Variants in MB21D2 observed in about 807,000 individuals in gnomAD.
MB21D2 encodes Mab-21 domain containing 2.
Under a neutral mutation model 33.3 loss-of-function variants are expected in MB21D2, and 9 were observed. The observed-to-expected ratio is 0.27, with a 90% CI of 0.16 to 0.47. MB21D2 has a LOEUF of 0.47. Ranked by LOEUF, MB21D2 falls within the 20% of genes least tolerant of loss-of-function variation. The pLI is 0.99. For synonymous variants in MB21D2, 241 were observed against 236.3 expected (o/e 1.02, Z -0.18); for missense variants, 540 against 624.6 (o/e 0.86, Z 1.44).
chr3:192,831,413 A>C (rs1290776308), intron 1 of MB21D2, among the ~76,000 whole-genome samples: 1 of 152,246 alleles, frequency 6.6e-6, no homozygotes, highest in East Asian at 1.9e-4. Context: ...GAGATCATAA[A>C]TGCTTAATGT....
intron 1 of MB21D2, among the ~76,000 whole-genome samples, chr3:192,834,323 A>C (rs1045339177): frequency 2.0e-5 from 3 of 151,862 alleles, no homozygotes; most frequent in Admixed American, 2.0e-4. Flanking sequence ...TCTCAAAAAA[A>C]AAAAACCAAA....
In MB21D2 at chr3:192,911,771, G is replaced by T. The variant is rs114744306; in HGVS notation, c.211+5859C>A. On this transcript the variant is annotated intron_variant, in intron 1 of 1. Transcript: ENST00000392452. ...AGCCACTGCCCAGAACCATGGAGGG[G>T]GAATTGAAACCAATCCAAACTAGCA... 2.3e-3 allele frequency among the ~76,000 whole-genome samples: 347 copies of T among 152,188 alleles called. 1 individual carries two copies. Among genetic ancestry groups the T allele is most frequent in the African/African-American group, 7.8e-3 (323 of 41,506 alleles).
At chr3:192,903,710 T>C (rs970687329) in intron 1 of MB21D2, among the ~76,000 whole-genome samples, 1 of 152,162 alleles carries the variant, frequency 6.6e-6, no homozygotes, top group Non-Finnish European at 1.5e-5. Context: ...GCGGGCCTGG[T>C]GGGAGGTGTC....
chr3:192,900,582 A>G (rs976601768), intron 1 of MB21D2, among the ~76,000 whole-genome samples: 3 of 151,514 alleles, frequency 2.0e-5, no homozygotes, highest in South Asian at 2.1e-4. Flanking sequence ...TTCTTTGCCC[A>G]TCTCCTAAGA....
intron 1 of MB21D2, among the ~76,000 whole-genome samples, chr3:192,815,314 C>T (rs1037299241): frequency 6.6e-6 from 1 of 152,108 alleles, no homozygotes; most frequent in African/African-American, 2.4e-5. Flanking sequence ...GCACAGGTGC[C>T]AGAAATAGAA....
intron 1 of MB21D2, among the ~76,000 whole-genome samples, chr3:192,877,902 G>C (rs1713467753): frequency 6.6e-6 from 1 of 150,598 alleles, no homozygotes; most frequent in Non-Finnish European, 1.5e-5. Flanking sequence ...AAGGGCCAAA[G>C]ATACAAGTAG....
intron 1 of MB21D2, among the ~76,000 whole-genome samples, chr3:192,887,735 G>A (rs766776258): frequency 1.3e-5 from 2 of 151,938 alleles, no homozygotes; most frequent in Admixed American, 6.6e-5. Context: ...TTGCTCTTAC[G>A]TAAAAATAAA....
chr3:192,874,027 C>A (rs756329200), intron 1 of MB21D2, among the ~76,000 whole-genome samples: 1 of 152,136 alleles, frequency 6.6e-6, no homozygotes. Flanking sequence ...TCCTAGCACA[C>A]TGAAAGTACT....
chr3:192,864,520 T>C (rs1466362344), intron 1 of MB21D2, among the ~76,000 whole-genome samples: 1 of 152,150 alleles, frequency 6.6e-6, no homozygotes, highest in Non-Finnish European at 1.5e-5. Flanking sequence ...GTTGTTGTTG[T>C]TTTTTGACAG....
intron 1 of MB21D2, among the ~76,000 whole-genome samples, chr3:192,908,856 T>C (rs1714269367): frequency 6.6e-6 from 1 of 152,162 alleles, no homozygotes; most frequent in South Asian, 2.1e-4. Context: ...TTCTGTGACA[T>C]GGATCCTCTC....
chr3:192,845,026 CAA>C (rs1204895002), intron 1 of MB21D2, among the ~76,000 whole-genome samples: 3 of 152,200 alleles, frequency 2.0e-5, no homozygotes, highest in African/African-American at 7.2e-5. Flanking sequence ...GCCACTTAAA[CAA>C]GAGTGATTCT....
chr3:192,813,665 A>C (rs1711841422), intron 1 of MB21D2, among the ~76,000 whole-genome samples: 2 of 152,146 alleles, frequency 1.3e-5, no homozygotes, highest in Admixed American at 1.3e-4. Context: ...GCCCTAAGTA[A>C]CTAGTCAAGA....
intron 1 of MB21D2, among the ~76,000 whole-genome samples, chr3:192,904,022 CT>C (rs1714155359): frequency 6.6e-6 from 1 of 152,198 alleles, no homozygotes; most frequent in Admixed American, 6.5e-5. Flanking sequence ...TCAGGGATGT[CT>C]TTACAGCAAT....
chr3:192,836,599 G>A (rs367654805), intron 1 of MB21D2, among the ~76,000 whole-genome samples: 5 of 152,156 alleles, frequency 3.3e-5, no homozygotes, highest in African/African-American at 9.7e-5. Context: ...GCAGGCGGCC[G>A]TCTGCAAGCC....
chr3:192,905,110 G>C (rs1413659718), intron 1 of MB21D2, among the ~76,000 whole-genome samples: 1 of 152,222 alleles, frequency 6.6e-6, no homozygotes, highest in Admixed American at 6.5e-5. Flanking sequence ...AACAGCTGCA[G>C]CTGCTAAAAG....
At position 192,797,118 on chromosome 3, in the gene MB21D2, T is replaced by G. The variant is rs113160091; in HGVS notation, c.*1268A>C. The G allele has an allele frequency of 6.6e-6, 1 of 152,528 alleles. No individual in the cohort carries two copies. Among genetic ancestry groups the G allele is most frequent in the African/African-American group, 2.4e-5 (1 of 41,344 alleles). The allele number at this position is 152,528 out of a possible 1,614,324, so 9.4% of individuals were successfully genotyped here. A position where few individuals can be genotyped will look rare whatever the true frequency, so the allele number is the denominator to read the frequency against. ...ACACCAAAACAGGGAGCCAATACCTTCCAGCACCTAATCAGGCAAGTAACT... is the reference window on the plus strand; with the variant it reads ...ACACCAAAACAGGGAGCCAATACCTGCCAGCACCTAATCAGGCAAGTAACT... On this transcript the variant is annotated 3_prime_UTR_variant, in exon 2 of 2. Coordinates refer to ENST00000392452, the MANE Select transcript of MB21D2 (RefSeq NM_178496.4).
chr3:192,820,655 C>T (rs1396030573), intron 1 of MB21D2, among the ~76,000 whole-genome samples: 1 of 152,272 alleles, frequency 6.6e-6, no homozygotes, highest in East Asian at 1.9e-4. Flanking sequence ...GCCCCGGGCT[C>T]TCTCTGCAAA....
In MB21D2 at chr3:192,799,375, C is replaced by T. The variant is rs1422930908; in HGVS notation, c.487G>A (p.Asp163Asn). The T allele has an allele frequency of 6.2e-7, 1 of 1,614,122 alleles. No individual in the cohort carries two copies. Among genetic ancestry groups the T allele is most frequent in the Non-Finnish European group, 8.5e-7 (1 of 1,180,050 alleles). Residue 163 changes from aspartate to asparagine, a missense_variant, in exon 2 of 2, where the codon GAC becomes AAC. Asp to Asn is a conservative substitution (Grantham distance 23). Coordinates refer to ENST00000392452, the MANE Select transcript of MB21D2 (RefSeq NM_178496.4). The surrounding 1 kb of genome is among the most constrained non-coding windows in gnomAD (Gnocchi z 4.1). ...ATGTGATCTACAATGGTGCAGCAGT[C>T]TTTCCATTTACTGATTGTCCCCTCA... is the stretch of plus-strand genomic sequence containing the variant. ...FDEGTISKWK[D>N]CCTIVDHING...
intron 1 of MB21D2, among the ~76,000 whole-genome samples, chr3:192,845,375 C>G (rs1560237562): frequency 6.6e-6 from 1 of 152,210 alleles, no homozygotes. Flanking sequence ...CACTGTAGAG[C>G]CAAGGGTGAG....
Sources: gnomAD v4.1 joint callset for allele counts (sites outside exome capture counted in the v4.1 genomes callset) on GRCh38, gnomAD v4.1.1 for gene constraint, Gnocchi (gnomAD v3.1) non-coding constraint, MANE v1.5 for transcripts, NCBI Gene and HGNC (gene_info 2026-07-23, HGNC 2026-07-21) for gene names.